ST3GAL1: variants seen among roughly 807,000 people sequenced by gnomAD.
ST3GAL1 encodes the protein ST3 beta-galactoside alpha-2,3-sialyltransferase 1, also known as CMP-N-acetylneuraminate-beta-galactosamide-alpha-2,3-sialyltransferase 1.
In ST3GAL1, 16 loss-of-function variants were observed where a neutral mutation model predicts 34.1. The ratio of observed to expected loss-of-function variants is 0.47; its 90% CI spans 0.32 to 0.71. The LOEUF is 0.71. ST3GAL1 is among the 30% of genes least tolerant of loss of function. The probability of loss-of-function intolerance (pLI) is 0.04; values close to 1 mark genes in which losing one functional copy is unlikely to be tolerated. For missense variants in ST3GAL1, 353 were observed against 447.4 expected, an observed-to-expected ratio of 0.79 and a Z score of 1.90; for synonymous variants, 191 against 184.7, an observed-to-expected ratio of 1.03 and a Z score of -0.28.
intron 8 of ST3GAL1, among the ~76,000 whole-genome samples, chr8:133,462,543 G>A (rs1476372370): frequency 2.0e-5 from 3 of 152,294 alleles, no homozygotes; most frequent in East Asian, 3.9e-4. Flanking sequence ...GGAGGAGGCC[G>A]ATATCAGGCC....
intron 1 of ST3GAL1, among the ~76,000 whole-genome samples, chr8:133,547,703 G>A (rs1288553567): frequency 6.6e-6 from 1 of 152,218 alleles, no homozygotes; most frequent in Non-Finnish European, 1.5e-5. Flanking sequence ...AATCATAAAT[G>A]TCTGTTTGTA....
At chr8:133,465,001 C>A in intron 6 of ST3GAL1, 44 bp from the exon 7 acceptor site, 1 of 1,573,596 alleles carries the variant, frequency 6.4e-7, no homozygotes, top group East Asian at 2.3e-5. Context: ...GCACGGGCAC[C>A]CGTTCTCAGA....
intron 1 of ST3GAL1, among the ~76,000 whole-genome samples, chr8:133,550,172 G>A (rs1818799069): frequency 6.6e-6 from 1 of 152,148 alleles, no homozygotes; most frequent in Non-Finnish European, 1.5e-5. Context: ...GGTTTTAACA[G>A]GAGCCCTGGA....
intron 3 of ST3GAL1, among the ~76,000 whole-genome samples, chr8:133,492,210 T>C (rs1456880718): frequency 2.6e-5 from 4 of 151,584 alleles, no homozygotes; most frequent in African/African-American, 9.7e-5. Flanking sequence ...TCCCTGGGGG[T>C]CAGGAGGCGT....
At chr8:133,506,515 T>C (rs1586626605) in intron 2 of ST3GAL1, among the ~76,000 whole-genome samples, 1 of 152,304 alleles carries the variant, frequency 6.6e-6, no homozygotes. Flanking sequence ...CTGGGCACGG[T>C]GGCTCACGCC....
chr8:133,495,972 C>T (rs1816934202), intron 3 of ST3GAL1, among the ~76,000 whole-genome samples: 1 of 152,090 alleles, frequency 6.6e-6, no homozygotes, highest in South Asian at 2.1e-4. Flanking sequence ...GGTATGTGCC[C>T]CTGGCCCCAG....
At chr8:133,462,047 T>G in intron 8 of ST3GAL1, 53 bp from the exon 9 acceptor site, 4 of 1,610,914 alleles carry the variant, frequency 2.5e-6, no homozygotes, top group Non-Finnish European at 3.4e-6. Context: ...GCAAAGGACA[T>G]GGAGCGCCTG....
chr8:133,571,623 C>G lies in ST3GAL1; in HGVS notation c.-582+70G>C, dbSNP rs1286983622. 1 of 152,884 alleles carries G rather than the reference C, an allele frequency of 6.5e-6. No homozygotes were observed. Among genetic ancestry groups the G allele is most frequent in the African/African-American group, 2.4e-5 (1 of 41,438 alleles). 9.5% of individuals were successfully genotyped at this position (152,884 alleles called of 1,614,324 possible). On this transcript the variant is annotated intron_variant, in intron 1 of 9. Coordinates refer to ENST00000522652, the MANE Select transcript of ST3GAL1 (RefSeq NM_173344.3). The surrounding 1 kb of genome is among the most constrained non-coding windows in gnomAD (Gnocchi z 6.7). ...CTCCGAGAATCCACAGGAAACTGCC[C>G]GAGCCCCAACTCAGGCGGACGCAGC...
intron 2 of ST3GAL1, among the ~76,000 whole-genome samples, chr8:133,540,399 T>C (rs1207249213): frequency 3.3e-5 from 5 of 152,146 alleles, no homozygotes; most frequent in African/African-American, 1.2e-4. Context: ...ATTTTTGTTG[T>C]TGGAGGAAAT....
intron 2 of ST3GAL1, among the ~76,000 whole-genome samples, chr8:133,543,394 T>C (rs1415222264): frequency 1.3e-5 from 2 of 152,172 alleles, no homozygotes; most frequent in Non-Finnish European, 2.9e-5. Context: ...GGTTAGATAA[T>C]AGTCAAATTA....
chr8:133,511,381 G>A (rs1292852663), intron 2 of ST3GAL1, among the ~76,000 whole-genome samples: 1 of 152,242 alleles, frequency 6.6e-6, no homozygotes, highest in East Asian at 1.9e-4. Context: ...TGAACACCTA[G>A]TATGTGACTG....
intron 1 of ST3GAL1, among the ~76,000 whole-genome samples, chr8:133,568,973 C>T (rs1174879814): frequency 2.6e-5 from 4 of 152,346 alleles, no homozygotes; most frequent in Middle Eastern, 3.4e-3. Flanking sequence ...GGCAGTACAG[C>T]CCTGATTACA....
rs1815751838 is a variant in ST3GAL1 at position 133,466,845 on chromosome 8, T to A, written c.307-755A>T. Among the ~76,000 whole-genome samples the A allele has an allele frequency of 6.6e-6, 1 of 152,180 alleles. No homozygotes were observed. The highest frequency in any genetic ancestry group is 6.5e-5 in the Admixed American group (1 of 15,276). ...CAGGTGCGGTGGCTCACACCTGTAA[T>A]CCCAGCACTTTGGGAGACCGAGGCA... On this transcript the variant is annotated intron_variant, in intron 5 of 9. Transcript: ENST00000522652. This position sits in a 1 kb window ranked among gnomAD's most constrained non-coding sequence, Gnocchi z 4.4.
chr8:133,505,825 A>C (rs530180291), intron 2 of ST3GAL1, among the ~76,000 whole-genome samples: 2 of 151,036 alleles, frequency 1.3e-5, no homozygotes, highest in Non-Finnish European at 3.0e-5. Flanking sequence ...CTAGTCTCGA[A>C]CTCCTGACCC....
At chr8:133,509,718 G>C (rs907815135) in intron 2 of ST3GAL1, among the ~76,000 whole-genome samples, 1 of 152,226 alleles carries the variant, frequency 6.6e-6, no homozygotes. Context: ...GGGAAGCAGA[G>C]CTGATCATGT....
At chr8:133,502,102 A>C (rs908357418) in intron 2 of ST3GAL1, among the ~76,000 whole-genome samples, 1 of 152,196 alleles carries the variant, frequency 6.6e-6, no homozygotes, top group African/African-American at 2.4e-5. Flanking sequence ...GGACAAAGAA[A>C]GCAAATGAGG....
intron 2 of ST3GAL1, among the ~76,000 whole-genome samples, chr8:133,538,194 C>A (rs1192767136): frequency 6.6e-6 from 1 of 152,202 alleles, no homozygotes; most frequent in Non-Finnish European, 1.5e-5. Context: ...ATCCGAAGTA[C>A]CCAGCATGTC....
rs529128666 is a variant in ST3GAL1 at position 133,466,181 on chromosome 8, G to A, written c.307-91C>T. 1.5e-6 allele frequency: 2 copies of A among 1,353,736 alleles called. No individual in the cohort carries two copies. The highest frequency in any genetic ancestry group is 4.8e-5 in the East Asian group (2 of 41,776). The allele number at this position is 1,353,736 out of a possible 1,614,324, so 83.9% of individuals were successfully genotyped here. On this transcript the variant is annotated intron_variant, in intron 5 of 9. Transcript: ENST00000522652. The surrounding 1 kb of genome is among the most constrained non-coding windows in gnomAD (Gnocchi z 4.4). Reference sequence around the variant, plus strand: ...CCTGAGCTACCTGCTGTCGTTTACTGGGGCCCTCCTGTTCACCCTTCTCTC... The same window carrying A: ...CCTGAGCTACCTGCTGTCGTTTACTAGGGCCCTCCTGTTCACCCTTCTCTC...
chr8:133,484,910 A>C (rs1816527510), intron 3 of ST3GAL1, among the ~76,000 whole-genome samples: 1 of 152,162 alleles, frequency 6.6e-6, no homozygotes, highest in Non-Finnish European at 1.5e-5. Context: ...GGTATCACGC[A>C]CTGGGAATTG....
Sources: gnomAD v4.1 joint callset for allele counts (sites outside exome capture counted in the v4.1 genomes callset) on GRCh38, gnomAD v4.1.1 for gene constraint, Gnocchi (gnomAD v3.1) non-coding constraint, MANE v1.5 for transcripts, NCBI Gene and HGNC (gene_info 2026-07-23, HGNC 2026-07-21) for gene names.